NAALADL2: variants seen among roughly 807,000 people sequenced by gnomAD.
The protein encoded by NAALADL2 is N-acetylated alpha-linked acidic dipeptidase like 2, also known as inactive N-acetylated-alpha-linked acidic dipeptidase-like protein 2.
NAALADL2 carries 76 observed loss-of-function variants against 87.2 expected under a neutral mutation model. The ratio of observed to expected loss-of-function variants is 0.87; its 90% CI spans 0.72 to 1.05. NAALADL2 has a LOEUF of 1.05. Ranked by LOEUF, NAALADL2 falls within the 50% of genes least tolerant of loss-of-function variation. The pLI, the probability that NAALADL2 is intolerant of heterozygous loss-of-function variation, is 0.00. For missense variants in NAALADL2, 1,089 were observed against 945.8 expected (o/e 1.15, Z -1.99); for synonymous variants, 354 against 331.0 (o/e 1.07, Z -0.75).
chr3:175,003,909 G>T (rs1402347589), intron 1 of NAALADL2, among the ~76,000 whole-genome samples: 4 of 152,114 alleles, frequency 2.6e-5, no homozygotes, highest in African/African-American at 9.7e-5. Flanking sequence ...GTTCAAAAGA[G>T]ACTTCGAAGA....
At chr3:175,544,951 G>A (rs1206196787) in intron 9 of NAALADL2, among the ~76,000 whole-genome samples, 1 of 152,054 alleles carries the variant, frequency 6.6e-6, no homozygotes, top group Non-Finnish European at 1.5e-5. Context: ...AATACCCAAG[G>A]ACAAATGTAC....
Position 174,530,823 on chromosome 3 carries a change from T to G in NAALADL2, c.-183-19746T>G, listed in dbSNP as rs535412709. On this transcript the variant is annotated intron_variant, in intron 1 of 3. Transcript: ENST00000434257. The stretch of plus-strand genomic sequence containing the variant: ...TGGGGACACAGCCAAACTATATCAC[T>G]GGGTGACAAAGGAGACTCCATCTCA... 2.0e-5 allele frequency among the ~76,000 whole-genome samples: 3 copies of G among 152,320 alleles called. No homozygotes were observed. In the East Asian group the frequency reaches 5.8e-4, roughly 29 times the overall value.
intron 1 of NAALADL2, among the ~76,000 whole-genome samples, chr3:174,460,373 C>T (rs771691348): frequency 3.3e-5 from 5 of 151,702 alleles, no homozygotes; most frequent in Admixed American, 6.6e-5. Flanking sequence ...ATATTTAAGA[C>T]GTTTATTGTG....
chr3:174,659,954 C>T (rs1725355920), intron 2 of NAALADL2, among the ~76,000 whole-genome samples: 2 of 151,974 alleles, frequency 1.3e-5, no homozygotes, highest in East Asian at 1.9e-4. Flanking sequence ...TTTGGGACCC[C>T]GCTTGAAACA....
intron 1 of NAALADL2, among the ~76,000 whole-genome samples, chr3:174,946,846 A>G (rs889377313): frequency 2.0e-5 from 3 of 152,194 alleles, no homozygotes; most frequent in Admixed American, 6.5e-5. Flanking sequence ...TGCAATTCTT[A>G]TATTCATTTA....
chr3:174,623,441 G>A (rs1190779428), intron 2 of NAALADL2, among the ~76,000 whole-genome samples: 1 of 151,798 alleles, frequency 6.6e-6, no homozygotes, highest in Non-Finnish European at 1.5e-5. Context: ...ATAGATTTGT[G>A]TATATTTTAT....
chr3:175,025,940 G>A (rs953233718), intron 1 of NAALADL2, among the ~76,000 whole-genome samples: 1 of 152,060 alleles, frequency 6.6e-6, no homozygotes, highest in Admixed American at 6.6e-5. Flanking sequence ...CTCCCTAGTA[G>A]GTGGGACTGT....
intron 2 of NAALADL2, among the ~76,000 whole-genome samples, chr3:175,164,375 C>G (rs888525960): frequency 2.6e-5 from 4 of 151,686 alleles, no homozygotes; most frequent in Non-Finnish European, 5.9e-5. Context: ...ACATATTATT[C>G]TAGTTTCATC....
At chr3:175,481,522 C>A (rs9290558) in intron 9 of NAALADL2, among the ~76,000 whole-genome samples, 93,136 of 151,448 alleles carry the variant, frequency 0.61, 30,413 homozygotes, top group East Asian at 0.89. Context: ...TGGCGCCATC[C>A]CTTGAAAAAA....
At chr3:175,177,931 A>G (rs1218819106) in intron 2 of NAALADL2, among the ~76,000 whole-genome samples, 1 of 151,618 alleles carries the variant, frequency 6.6e-6, no homozygotes, top group Non-Finnish European at 1.5e-5. Context: ...GGTATTGTCT[A>G]TTAATAGGCT....
intron 13 of NAALADL2, among the ~76,000 whole-genome samples, chr3:175,787,183 C>T (rs1282899730): frequency 2.6e-5 from 4 of 152,160 alleles, no homozygotes. Flanking sequence ...GTGCCCTGCC[C>T]CCAGAGGTGG....
intron 12 of NAALADL2, among the ~76,000 whole-genome samples, chr3:175,743,501 T>C (rs1414103225): frequency 6.6e-6 from 1 of 152,178 alleles, no homozygotes; most frequent in African/African-American, 2.4e-5. Context: ...ATGAACTGCA[T>C]AGGATAAAGA....
intron 2 of NAALADL2, among the ~76,000 whole-genome samples, chr3:175,182,510 C>T (rs2108999550): frequency 6.8e-6 from 1 of 147,340 alleles, no homozygotes; most frequent in South Asian, 2.2e-4. Flanking sequence ...AACTGAGCTT[C>T]CTGAGTAGCT....
chr3:175,394,194 G>A (rs2149032336), intron 5 of NAALADL2, among the ~76,000 whole-genome samples: 1 of 152,086 alleles, frequency 6.6e-6, no homozygotes, highest in Non-Finnish European at 1.5e-5. Context: ...TTTTACAAAA[G>A]CAAAAACAGA....
At chr3:175,662,416 A>G (rs1477145549) in intron 11 of NAALADL2, among the ~76,000 whole-genome samples, 3 of 152,102 alleles carry the variant, frequency 2.0e-5, no homozygotes, top group Admixed American at 2.0e-4. Context: ...TCTAAATATA[A>G]GATCATGGCA....
chr3:175,053,981 G>A (rs1711550360), intron 1 of NAALADL2, among the ~76,000 whole-genome samples: 1 of 152,210 alleles, frequency 6.6e-6, no homozygotes, highest in Non-Finnish European at 1.5e-5. Flanking sequence ...ATGTAAAAAG[G>A]GTGCATTCTA....
chr3:174,700,690 G>C (rs1729467507), intron 2 of NAALADL2, among the ~76,000 whole-genome samples: 2 of 152,136 alleles, frequency 1.3e-5, no homozygotes, highest in Non-Finnish European at 2.9e-5. Flanking sequence ...TTCCAGTGAT[G>C]GAAGTCAGAT....
At position 175,463,591 on chromosome 3, in the gene NAALADL2, A is replaced by G. The variant is rs969980333; in HGVS notation, c.1327+98A>G. ...ATATTATACTTAAATATCCTACTTG[A>G]GATATAACTAGAAATTTGTCCCACT... On this transcript the variant is annotated intron_variant, in intron 7 of 13. Transcript: ENST00000454872. The G allele has an allele frequency of 1.6e-5, 10 of 616,268 alleles. No individual in the cohort carries two copies. The African/African-American group carries it at 1.7e-4, about 11-fold the overall frequency. 38.2% of individuals were successfully genotyped at this position (616,268 alleles called of 1,614,324 possible). A position where few individuals can be genotyped will look rare whatever the true frequency, so the allele number is the denominator to read the frequency against.
chr3:174,540,190 GA>G (rs1240820911), intron 1 of NAALADL2, among the ~76,000 whole-genome samples: 1 of 151,950 alleles, frequency 6.6e-6, no homozygotes, highest in African/African-American at 2.4e-5. Context: ...GTAAGAGGGG[GA>G]AAAAAAGCAG....
Sources: gnomAD v4.1 joint callset for allele counts (sites outside exome capture counted in the v4.1 genomes callset) on GRCh38, gnomAD v4.1.1 for gene constraint, MANE v1.5 for transcripts, NCBI Gene and HGNC (gene_info 2026-07-23, HGNC 2026-07-21) for gene names.